Variants in PRKCE observed in about 807,000 individuals in gnomAD.
PRKCE encodes protein kinase C epsilon type.
Under a neutral mutation model 85.4 loss-of-function variants are expected in PRKCE, and 16 were observed. That is an observed-to-expected ratio of 0.19 (90% confidence interval 0.13 to 0.28). The LOEUF (loss-of-function observed/expected upper bound fraction) is 0.28, where lower values mean the gene tolerates loss of function less well. PRKCE is among the 10% of genes least tolerant of loss of function. The pLI, the probability that PRKCE is intolerant of heterozygous loss-of-function variation, is 1.00. For synonymous variants in PRKCE, 388 were observed against 371.5 expected (o/e 1.04, Z -0.51); for missense variants, 573 against 975.2 (o/e 0.59, Z 5.49).
chr2:46,178,015 T>G (rs1679592154), intron 14 of PRKCE, among the ~76,000 whole-genome samples: 2 of 152,090 alleles, frequency 1.3e-5, no homozygotes, highest in African/African-American at 4.8e-5. Flanking sequence ...ATCCCAGCAC[T>G]TTGGGAGGCT....
chr2:46,160,454 G>A (rs1365800314), intron 14 of PRKCE, among the ~76,000 whole-genome samples: 1 of 152,192 alleles, frequency 6.6e-6, no homozygotes, highest in Non-Finnish European at 1.5e-5. Flanking sequence ...TGGGGCGAGG[G>A]TCATGTTGCA....
At chr2:46,126,692 C>A (rs555748426) in intron 11 of PRKCE, among the ~76,000 whole-genome samples, 1 of 152,262 alleles carries the variant, frequency 6.6e-6, no homozygotes, top group South Asian at 2.1e-4. Context: ...CCCCATAGGA[C>A]CTAACACAGA....
chr2:45,994,708 T>C (rs974800104), intron 6 of PRKCE, among the ~76,000 whole-genome samples: 1 of 152,242 alleles, frequency 6.6e-6, no homozygotes, highest in African/African-American at 2.4e-5. Flanking sequence ...TTTGCTTGCT[T>C]TCAAGTTTTG....
At chr2:45,921,434 C>T (rs1041378603) in intron 2 of PRKCE, among the ~76,000 whole-genome samples, 3 of 152,246 alleles carry the variant, frequency 2.0e-5, no homozygotes, top group East Asian at 1.9e-4. Context: ...TGAGCACTTG[C>T]GTGCCAGCTA....
Position 45,813,001 on chromosome 2 carries a change from G to A in PRKCE, c.349-29999G>A, listed in dbSNP as rs879433457. ...TGGCTGTGAAAAACACAAAAGACAC[G>A]AATTGGAAGAAAATGGCTATTGAAA... On this transcript the variant is annotated intron_variant, in intron 1 of 14. Transcript: ENST00000306156. Among the ~76,000 whole-genome samples the A allele has an allele frequency of 3.3e-5, 5 of 152,298 alleles. No individual in the cohort carries two copies. The South Asian group carries it at 8.3e-4, about 25-fold the overall frequency.
intron 10 of PRKCE, among the ~76,000 whole-genome samples, chr2:46,023,123 A>T (rs992875952): frequency 6.8e-6 from 1 of 146,990 alleles, no homozygotes; most frequent in African/African-American, 2.5e-5. Flanking sequence ...ATCTATATAG[A>T]TAGATCCCAA....
chr2:46,004,244 T>C lies in PRKCE; in HGVS notation c.967-298T>C. ...CTTCATCCTTTTGGATGGGGTTGGA[T>C]CAAACATTGTACCTCTGTCTCAGCT... On this transcript the variant is annotated intron_variant, in intron 7 of 14. Transcript: ENST00000306156. This position sits in a 1 kb window ranked among gnomAD's most constrained non-coding sequence, Gnocchi z 4.1. 1 of 374,030 alleles carries C rather than the reference T, an allele frequency of 2.7e-6. No homozygotes were observed. Among genetic ancestry groups the C allele is most frequent in the Non-Finnish European group, 5.2e-6 (1 of 193,268 alleles). The allele number at this position is 374,030 out of a possible 1,614,324, so 23.2% of individuals were successfully genotyped here.
At chr2:45,657,439 A>T (rs1013310736) in intron 1 of PRKCE, among the ~76,000 whole-genome samples, 2 of 152,220 alleles carry the variant, frequency 1.3e-5, no homozygotes, top group East Asian at 3.8e-4. Flanking sequence ...TGTGGGGATT[A>T]AAATGAGTTA....
chr2:46,151,312 C>CAT (rs1676608850), intron 13 of PRKCE, 83 bp downstream of exon 13: 3 of 1,170,662 alleles, frequency 2.6e-6, no homozygotes, highest in Non-Finnish European at 3.7e-6. Context: ...CACACACACA[C>CAT]ACACACACAC....
intron 10 of PRKCE, among the ~76,000 whole-genome samples, chr2:46,020,730 G>A (rs999834156): frequency 5.9e-5 from 9 of 152,316 alleles, no homozygotes; most frequent in East Asian, 3.9e-4. Flanking sequence ...GAGAATTTGC[G>A]TCAGAATCTT....
intron 1 of PRKCE, among the ~76,000 whole-genome samples, chr2:45,713,268 T>A (rs746797981): frequency 3.3e-4 from 51 of 152,362 alleles, no homozygotes; most frequent in Non-Finnish European, 6.0e-4. Flanking sequence ...ACTCCGCAGC[T>A]GATCACCTTG....
chr2:46,024,210 G>A (rs1456266393), intron 10 of PRKCE, among the ~76,000 whole-genome samples: 3 of 152,150 alleles, frequency 2.0e-5, no homozygotes, highest in Non-Finnish European at 2.9e-5. Flanking sequence ...AGGGCACCCT[G>A]GAGTAATTCT....
chr2:46,148,528 C>T (rs1302278050), intron 12 of PRKCE, among the ~76,000 whole-genome samples: 1 of 152,214 alleles, frequency 6.6e-6, no homozygotes, highest in Admixed American at 6.5e-5. Flanking sequence ...TTCCGAGAAG[C>T]TGGAGGGCAG....
chr2:45,917,453 G>C (rs547538839), intron 2 of PRKCE, among the ~76,000 whole-genome samples: 1 of 152,094 alleles, frequency 6.6e-6, no homozygotes, highest in African/African-American at 2.4e-5. Flanking sequence ...GTCAATTGGT[G>C]CATTCACAAA....
chr2:46,182,495 G>A (rs991710879), intron 14 of PRKCE, among the ~76,000 whole-genome samples: 2 of 152,070 alleles, frequency 1.3e-5, no homozygotes, highest in African/African-American at 4.8e-5. Flanking sequence ...CCCATCTCAG[G>A]GGCATCATGG....
intron 14 of PRKCE, among the ~76,000 whole-genome samples, chr2:46,171,977 C>T (rs545749553): frequency 4.4e-4 from 67 of 152,210 alleles, no homozygotes; most frequent in Non-Finnish European, 9.1e-4. Flanking sequence ...GGATCATTCC[C>T]CCAGGAAGAG....
intron 1 of PRKCE, among the ~76,000 whole-genome samples, chr2:45,707,841 C>A (rs1363075831): frequency 1.3e-5 from 2 of 152,216 alleles, no homozygotes; most frequent in Non-Finnish European, 2.9e-5. Context: ...CTGACTGTCC[C>A]CTTCTCCTTA....
intron 1 of PRKCE, among the ~76,000 whole-genome samples, chr2:45,817,824 AG>A (rs1689203933): frequency 6.6e-6 from 1 of 152,224 alleles, no homozygotes; most frequent in African/African-American, 2.4e-5. Context: ...CTGCCTTTTA[AG>A]GCAAATCTGG....
chr2:45,661,790 T>G (rs977555573), intron 1 of PRKCE, among the ~76,000 whole-genome samples: 1 of 151,878 alleles, frequency 6.6e-6, no homozygotes, highest in Non-Finnish European at 1.5e-5. Flanking sequence ...CCACCCGCCT[T>G]GGCCTCCCAA....
Sources: allele counts gnomAD v4.1 joint callset (sites outside exome capture counted in the v4.1 genomes callset), GRCh38; gene constraint gnomAD v4.1.1; non-coding constraint Gnocchi (gnomAD v3.1); transcripts MANE v1.5; gene names NCBI Gene and HGNC (gene_info 2026-07-23, HGNC 2026-07-21).